The following GREM2 variants were observed in gnomAD, a reference collection of about 807,000 sequenced individuals.
The protein encoded by GREM2 is gremlin-2.
GREM2 carries 11 observed loss-of-function variants against 14.2 expected under a neutral mutation model. The observed-to-expected ratio is 0.78, with a 90% CI of 0.49 to 1.28. The LOEUF (loss-of-function observed/expected upper bound fraction) is 1.28. Ranked by LOEUF, GREM2 falls within the 50% of genes most tolerant of loss-of-function variation. GREM2 has a pLI of 0.00. For synonymous variants in GREM2, 98 were observed against 97.6 expected, an observed-to-expected ratio of 1.00 and a Z score of -0.02; for missense variants, 210 against 218.5, an observed-to-expected ratio of 0.96 and a Z score of 0.24.
chr1:240,587,147 C>A (rs74977848), intron 1 of GREM2, among the ~76,000 whole-genome samples: 1 of 152,114 alleles, frequency 6.6e-6, no homozygotes, highest in East Asian at 1.9e-4. Flanking sequence ...AAATATAGAT[C>A]AGCAGAAAAT....
chr1:240,506,965 A>C (rs1677687479), intron 1 of GREM2, among the ~76,000 whole-genome samples: 1 of 152,194 alleles, frequency 6.6e-6, no homozygotes, highest in Admixed American at 6.5e-5. Context: ...TGACACAACA[A>C]TGAAGAAGGG....
chr1:240,493,291 A>C lies in GREM2; in HGVS notation c.185T>G (p.Val62Gly). 6.2e-7 allele frequency: 1 copy of C among 1,613,906 alleles called. No homozygotes were observed. Among genetic ancestry groups the C allele is most frequent in the Non-Finnish European group, 8.5e-7 (1 of 1,179,944 alleles). The change falls in exon 2 of 2, where the codon GTC (valine) becomes GGC (glycine). Residue 62 changes from valine to glycine, a missense_variant. Coordinates refer to ENST00000318160, the MANE Select transcript of GREM2 (RefSeq NM_022469.4). Reference sequence around the variant, plus strand: ...ACTCTTGAGGTACTTGCGCTCGGTGACCACCAGGGCCTCCTGGCTGGAGGC... The same window carrying C: ...ACTCTTGAGGTACTTGCGCTCGGTGCCCACCAGGGCCTCCTGGCTGGAGGC... ...VLASSQEALV[V>G]TERKYLKSDW...
In GREM2 at chr1:240,556,968, G is replaced by A. The variant is rs1247173952; in HGVS notation, c.-2+54916C>T. On this transcript the variant is annotated intron_variant, in intron 1 of 1. Coordinates refer to ENST00000318160, the MANE Select transcript of GREM2 (RefSeq NM_022469.4). Reference sequence around the variant, plus strand: ...GTGGATTGCCTGAGCTCAGAAGTTCGAGACCAGCCTGGATAACATGGTGAA... The same window carrying A: ...GTGGATTGCCTGAGCTCAGAAGTTCAAGACCAGCCTGGATAACATGGTGAA... 3.3e-5 allele frequency among the ~76,000 whole-genome samples: 5 copies of A among 152,070 alleles called. No individual in the cohort carries two copies. The South Asian group carries it at 6.2e-4, about 19-fold the overall frequency.
chr1:240,583,173 T>G (rs556328420), intron 1 of GREM2, among the ~76,000 whole-genome samples: 1 of 152,304 alleles, frequency 6.6e-6, no homozygotes, highest in African/African-American at 2.4e-5. Context: ...AAGTACAGTT[T>G]CTGGAATGTG....
At position 240,528,028 on chromosome 1, in the gene GREM2, A is replaced by G. The variant is rs1399750898; in HGVS notation, c.-1-34552T>C. Among the ~76,000 whole-genome samples the G allele has an allele frequency of 2.0e-5, 3 of 152,228 alleles. No homozygotes were observed. The East Asian group carries it at 5.8e-4, about 29-fold the overall frequency. On this transcript the variant is annotated intron_variant, in intron 1 of 1. Transcript: ENST00000318160. ...ATACAGAAAATTTGGGTTAAAAAAC[A>G]CAATACTTATAATAGATAATCCTCA...
chr1:240,591,755 G>C (rs1005694169), intron 1 of GREM2, among the ~76,000 whole-genome samples: 6 of 152,166 alleles, frequency 3.9e-5, no homozygotes, highest in Non-Finnish European at 7.3e-5. Context: ...AGTGGAAGGG[G>C]CCTTTGGAGG....
At chr1:240,539,884 T>C (rs982159573) in intron 1 of GREM2, among the ~76,000 whole-genome samples, 1 of 152,228 alleles carries the variant, frequency 6.6e-6, no homozygotes, top group Non-Finnish European at 1.5e-5. Flanking sequence ...CCTTGTGGCT[T>C]TTGATTCATT....
chr1:240,513,036 T>C (rs1452143014), intron 1 of GREM2, among the ~76,000 whole-genome samples: 4 of 152,156 alleles, frequency 2.6e-5, no homozygotes, highest in Non-Finnish European at 5.9e-5. Context: ...ATACAGATAA[T>C]ACACTAGTAA....
At chr1:240,546,212 G>T (rs1678712685) in intron 1 of GREM2, among the ~76,000 whole-genome samples, 1 of 152,058 alleles carries the variant, frequency 6.6e-6, no homozygotes, top group South Asian at 2.1e-4. Context: ...GGTGGCACAT[G>T]CCTATAATCC....
At chr1:240,584,508 A>G (rs1001626343) in intron 1 of GREM2, among the ~76,000 whole-genome samples, 3 of 151,380 alleles carry the variant, frequency 2.0e-5, no homozygotes, top group African/African-American at 7.3e-5. Flanking sequence ...AAAAAAAAAA[A>G]AAAAGAAGAA....
chr1:240,525,277 C>G (rs1422227267), intron 1 of GREM2, among the ~76,000 whole-genome samples: 2 of 152,176 alleles, frequency 1.3e-5, no homozygotes, highest in African/African-American at 4.8e-5. Flanking sequence ...AGGTCTACTG[C>G]TCCTTGCTTA....
chr1:240,603,179 C>T (rs1571953992), intron 1 of GREM2, among the ~76,000 whole-genome samples: 1 of 152,192 alleles, frequency 6.6e-6, no homozygotes, highest in East Asian at 1.9e-4. Context: ...GACTCCAGGG[C>T]ACCAGCCACA....
At chr1:240,570,917 C>A (rs1679248198) in intron 1 of GREM2, among the ~76,000 whole-genome samples, 1 of 152,198 alleles carries the variant, frequency 6.6e-6, no homozygotes, top group Admixed American at 6.5e-5. Context: ...TGGACAGAGA[C>A]TGACTCTGTG....
At chr1:240,605,723 G>A (rs895697513) in intron 1 of GREM2, among the ~76,000 whole-genome samples, 5 of 151,814 alleles carry the variant, frequency 3.3e-5, no homozygotes, top group Non-Finnish European at 7.4e-5. Context: ...GGGAAGCAAT[G>A]AGCCCAGAAA....
chr1:240,552,888 A>C (rs1678881988), intron 1 of GREM2, among the ~76,000 whole-genome samples: 1 of 152,182 alleles, frequency 6.6e-6, no homozygotes, highest in Admixed American at 6.5e-5. Context: ...GTGTTCCATA[A>C]ATATTAAGAG....
rs1283380769 is a variant in GREM2 at position 240,492,285 on chromosome 1, G to T, written c.*684C>A. ...CGGGGACAGTGAGGAAGAAGAGGCG[G>T]TGGGGACTTGAGGATGGGGGATTGT... is the stretch of plus-strand genomic sequence containing the variant. On this transcript the variant is annotated 3_prime_UTR_variant, in exon 2 of 2. Coordinates refer to ENST00000318160, the MANE Select transcript of GREM2 (RefSeq NM_022469.4). 20 of 434,488 alleles carry T rather than the reference G, an allele frequency of 4.6e-5. No individual in the cohort carries two copies. In the Admixed American group the frequency reaches 4.6e-4, roughly 10 times the overall value. 26.9% of individuals were successfully genotyped at this position (434,488 alleles called of 1,614,324 possible).
At chr1:240,553,223 G>A (rs1678890936) in intron 1 of GREM2, among the ~76,000 whole-genome samples, 1 of 152,186 alleles carries the variant, frequency 6.6e-6, no homozygotes, top group Non-Finnish European at 1.5e-5. Flanking sequence ...GTTAGCATGA[G>A]CAGAAGAAAG....
At chr1:240,603,063 G>A (rs544024550) in intron 1 of GREM2, among the ~76,000 whole-genome samples, 1 of 152,098 alleles carries the variant, frequency 6.6e-6, no homozygotes, top group South Asian at 2.1e-4. Flanking sequence ...ACAGAGCTGC[G>A]ACAGAGCGAG....
intron 1 of GREM2, among the ~76,000 whole-genome samples, chr1:240,544,219 C>T (rs1174089318): frequency 6.6e-6 from 1 of 151,004 alleles, no homozygotes; most frequent in South Asian, 2.1e-4. Context: ...GCAATCTCGG[C>T]TCACTGTAAG....
Sources: gnomAD v4.1 joint callset for allele counts (sites outside exome capture counted in the v4.1 genomes callset) on GRCh38, gnomAD v4.1.1 for gene constraint, MANE v1.5 for transcripts, NCBI Gene and HGNC (gene_info 2026-07-23, HGNC 2026-07-21) for gene names.